GRIA1: variants seen among roughly 807,000 people sequenced by gnomAD.
The protein encoded by GRIA1 is glutamate ionotropic receptor AMPA type subunit 1, also known as glutamate receptor 1.
A neutral mutation model predicts 99.2 loss-of-function variants in GRIA1; 31 were observed. The observed-to-expected ratio is 0.31, with a 90% confidence interval of 0.23 to 0.42. The LOEUF (loss-of-function observed/expected upper bound fraction) is 0.42, where lower values mean the gene tolerates loss of function less well. Ranked by LOEUF, GRIA1 falls within the 10% of genes least tolerant of loss-of-function variation. The probability of loss-of-function intolerance (pLI) is 1.00; values close to 1 mark genes in which losing one functional copy is unlikely to be tolerated. For synonymous variants in GRIA1, 438 were observed against 432.4 expected, an observed-to-expected ratio of 1.01 and a Z score of -0.16; for missense variants, 782 against 1,157.5, an observed-to-expected ratio of 0.68 and a Z score of 4.71.
chr5:153,798,496 T>C (rs1363111393), intron 14 of GRIA1, among the ~76,000 whole-genome samples: 1 of 152,166 alleles, frequency 6.6e-6, no homozygotes, highest in Non-Finnish European at 1.5e-5. Context: ...GGAACTTAGA[T>C]AGGATATAGA....
chr5:153,699,521 T>C (rs1219445352), intron 10 of GRIA1, among the ~76,000 whole-genome samples: 3 of 152,232 alleles, frequency 2.0e-5, no homozygotes, highest in Non-Finnish European at 2.9e-5. Flanking sequence ...TTAATTACTC[T>C]GTTCCCTAGA....
chr5:153,770,981 G>C (rs760335902), intron 13 of GRIA1, among the ~76,000 whole-genome samples: 1 of 152,200 alleles, frequency 6.6e-6, no homozygotes, highest in Non-Finnish European at 1.5e-5. Context: ...GATATAGACA[G>C]TTTGGTAAAG....
At chr5:153,774,886 C>T (rs899523302) in intron 13 of GRIA1, among the ~76,000 whole-genome samples, 3 of 152,186 alleles carry the variant, frequency 2.0e-5, no homozygotes, top group Non-Finnish European at 2.9e-5. Flanking sequence ...TTCTTCTGCT[C>T]TGGAAACAAA....
chr5:153,559,220 T>C (rs1760910163), intron 2 of GRIA1, among the ~76,000 whole-genome samples: 1 of 152,174 alleles, frequency 6.6e-6, no homozygotes, highest in South Asian at 2.1e-4. Flanking sequence ...GGAAGCATCA[T>C]TCAGACCTTC....
chr5:153,743,649 T>C (rs950014407), intron 11 of GRIA1, among the ~76,000 whole-genome samples: 1 of 152,072 alleles, frequency 6.6e-6, no homozygotes, highest in Admixed American at 6.6e-5. Flanking sequence ...TTCCTCTTCT[T>C]CCTCCAGATG....
chr5:153,538,502 C>T (rs918132971), intron 2 of GRIA1, among the ~76,000 whole-genome samples: 13 of 151,950 alleles, frequency 8.6e-5, no homozygotes. Flanking sequence ...TCCCACCTCC[C>T]ACCACCCAAG....
At chr5:153,550,678 A>T (rs2113539448) in intron 2 of GRIA1, among the ~76,000 whole-genome samples, 1 of 152,282 alleles carries the variant, frequency 6.6e-6, no homozygotes, top group East Asian at 1.9e-4. Context: ...ACCTTGGACA[A>T]ATAACTTTAC....
chr5:153,720,485 C>CTCCATCCCACGCCCAGAGTCG (rs1759978668), intron 11 of GRIA1, among the ~76,000 whole-genome samples: 1 of 152,216 alleles, frequency 6.6e-6, no homozygotes, highest in African/African-American at 2.4e-5. Flanking sequence ...TAAACTGCTC[C>CTCCATCCCACGCCCAGAGTCG]TCCATCCCAC....
intron 5 of GRIA1, among the ~76,000 whole-genome samples, chr5:153,669,542 A>G (rs1182976889): frequency 6.6e-6 from 1 of 152,096 alleles, no homozygotes; most frequent in Non-Finnish European, 1.5e-5. Flanking sequence ...TCTGTCCCCC[A>G]CTTTCCAGTG....
At chr5:153,798,944 G>A (rs373247345) in intron 14 of GRIA1, among the ~76,000 whole-genome samples, 12 of 152,124 alleles carry the variant, frequency 7.9e-5, no homozygotes, top group South Asian at 2.1e-4. Flanking sequence ...ATCACCACTC[G>A]TCACCATTCG....
intron 2 of GRIA1, among the ~76,000 whole-genome samples, chr5:153,505,416 CTTAGATA>C (rs1755401896): frequency 6.6e-6 from 1 of 152,148 alleles, no homozygotes; most frequent in Non-Finnish European, 1.5e-5. Context: ...GCTCTGGCAA[CTTAGATA>C]TTAGTAGATA....
At chr5:153,541,225 C>T (rs924755202) in intron 2 of GRIA1, among the ~76,000 whole-genome samples, 1 of 152,200 alleles carries the variant, frequency 6.6e-6, no homozygotes, top group Non-Finnish European at 1.5e-5. Context: ...CTAAATACCA[C>T]ATTTATGCTG....
At chr5:153,658,208 A>C (rs376307965) in intron 5 of GRIA1, among the ~76,000 whole-genome samples, 1 of 152,136 alleles carries the variant, frequency 6.6e-6, no homozygotes, top group Non-Finnish European at 1.5e-5. Flanking sequence ...TACACAGAAC[A>C]ATACATAGAA....
intron 5 of GRIA1, among the ~76,000 whole-genome samples, chr5:153,660,952 C>A (rs779445589): frequency 6.6e-6 from 1 of 152,132 alleles, no homozygotes; most frequent in Non-Finnish European, 1.5e-5. Flanking sequence ...ACTTGGGAAC[C>A]AGGACAGTTG....
chr5:153,655,917 T>G (rs764425720), intron 5 of GRIA1, 45 bp downstream of exon 5: 12 of 1,566,920 alleles, frequency 7.7e-6, no homozygotes, highest in Non-Finnish European at 1.1e-5. Context: ...CTTTCCAGGT[T>G]TGGGGCCCTA....
At chr5:153,693,415 A>G (rs976177273) in intron 8 of GRIA1, among the ~76,000 whole-genome samples, 11 of 152,222 alleles carry the variant, frequency 7.2e-5, no homozygotes, top group Non-Finnish European at 1.3e-4. Context: ...CTTGGCCACA[A>G]TAGACAACTT....
At chr5:153,800,405 T>C (rs1011561142) in intron 14 of GRIA1, among the ~76,000 whole-genome samples, 6 of 152,214 alleles carry the variant, frequency 3.9e-5, no homozygotes, top group African/African-American at 1.4e-4. Flanking sequence ...GTTCTAAAAA[T>C]CATGTGAAGT....
chr5:153,720,980 G>T (rs1298034021), intron 11 of GRIA1, among the ~76,000 whole-genome samples: 1 of 152,174 alleles, frequency 6.6e-6, no homozygotes, highest in African/African-American at 2.4e-5. Context: ...GCCATCCACG[G>T]GTGATGCAGA....
intron 2 of GRIA1, among the ~76,000 whole-genome samples, chr5:153,550,065 A>G (rs1371959397): frequency 6.6e-6 from 1 of 152,186 alleles, no homozygotes; most frequent in Non-Finnish European, 1.5e-5. Flanking sequence ...TGCATTGAAT[A>G]TTAAAATACA....
Sources: allele counts gnomAD v4.1 joint callset (sites outside exome capture counted in the v4.1 genomes callset), GRCh38; gene constraint gnomAD v4.1.1; transcripts MANE v1.5; gene names NCBI Gene and HGNC (gene_info 2026-07-23, HGNC 2026-07-21).